Variants in SLC8B1 observed in about 807,000 individuals in gnomAD.
The protein encoded by SLC8B1 is solute carrier family 8 member B1.
A neutral mutation model predicts 63.4 loss-of-function variants in SLC8B1; 52 were observed. The ratio of observed to expected loss-of-function variants is 0.82; its 90% CI spans 0.66 to 1.03. The LOEUF is 1.03. SLC8B1 is among the 50% of genes least tolerant of loss of function. SLC8B1 has a pLI of 0.00. For synonymous variants in SLC8B1, 336 were observed against 323.9 expected (o/e 1.04, Z -0.40); for missense variants, 657 against 741.7 (o/e 0.89, Z 1.33).
rs1334938121 is a variant in SLC8B1, at chr12:113,320,801, C to G, written c.420+49G>C. On this transcript the variant is annotated intron_variant, in intron 5 of 15. Transcript: ENST00000680972. The surrounding 1 kb of genome is among the most constrained non-coding windows in gnomAD (Gnocchi z 5.3). Reference sequence around the variant, plus strand: ...AGACATGACCCTATCTCCCAGCCTCCCCACAACTGCCCTCCCTCCAGGGTG... The same window carrying G: ...AGACATGACCCTATCTCCCAGCCTCGCCACAACTGCCCTCCCTCCAGGGTG... 1 of 1,582,834 alleles carries G rather than the reference C, an allele frequency of 6.3e-7. No homozygotes were observed. The highest frequency in any genetic ancestry group is 8.6e-7 in the Non-Finnish European group (1 of 1,165,336).
Position 113,320,337 on chromosome 12 carries a change from C to A in SLC8B1, c.688G>T (p.Ala230Ser), listed in dbSNP as rs1956903640. Reference protein sequence around the residue: ...LFRGRVTLAWALGYLGLYVFY... With the variant: ...LFRGRVTLAWSLGYLGLYVFY... Reference sequence around the variant, plus strand: ...GAGCCCCAGAGCTGCTCACCCAGAGCCCATGCCAGGGTGACCCTGCCACGG... The same window carrying A: ...GAGCCCCAGAGCTGCTCACCCAGAGACCATGCCAGGGTGACCCTGCCACGG... Residue 230 changes from alanine (A) to serine (S), a missense_variant, in exon 7 of 16, where the codon GCT (alanine) becomes TCT (serine). Physicochemically the swap from Ala to Ser is moderately conservative, Grantham distance 99. Transcript: ENST00000680972. The surrounding 1 kb of genome is among the most constrained non-coding windows in gnomAD (Gnocchi z 5.3). The A allele has an allele frequency of 1.2e-6, 2 of 1,613,970 alleles. No homozygotes were observed. The highest frequency in any genetic ancestry group is 1.7e-6 in the Non-Finnish European group (2 of 1,179,932).
At position 113,305,897 on chromosome 12, in the gene SLC8B1, A is replaced by G. The variant is rs1209656665; in HGVS notation, c.1492+598T>C. On this transcript the variant is annotated intron_variant, in intron 14 of 15. Transcript: ENST00000680972. The surrounding 1 kb of genome is among the most constrained non-coding windows in gnomAD (Gnocchi z 4.3). ...AACATAGTGAAACCCTGTCTCTACT[A>G]AAAATACAAAAATTAGCTGGGCGTG... Among the ~76,000 whole-genome samples the G allele has an allele frequency of 6.6e-6, 1 of 151,920 alleles. No individual in the cohort carries two copies. The highest frequency in any genetic ancestry group is 1.9e-4 in the East Asian group (1 of 5,180).
At chr12:113,330,388 G>A (rs1383651357) in intron 2 of SLC8B1, among the ~76,000 whole-genome samples, 2 of 152,208 alleles carry the variant, frequency 1.3e-5, no homozygotes, top group African/African-American at 4.8e-5. Context: ...TGGACTAGAG[G>A]GGAAGGGGAT....
intron 14 of SLC8B1, among the ~76,000 whole-genome samples, 153 bp from the exon 15 acceptor site, chr12:113,304,538 C>A (rs1020084613): frequency 6.6e-6 from 1 of 152,124 alleles, no homozygotes; most frequent in South Asian, 2.1e-4. Flanking sequence ...GTAATCCCAG[C>A]ACTTTGGGAG....
rs115680638 is a variant in SLC8B1 at position 113,321,176 on chromosome 12, C to T, written c.309+20G>A. The T allele has an allele frequency of 2.1e-4, 337 of 1,613,978 alleles. No homozygotes were observed. In the Middle Eastern group the frequency reaches 5.1e-3, roughly 24 times the overall value. On this transcript the variant is annotated intron_variant, in intron 3 of 15. Coordinates refer to ENST00000680972, the MANE Select transcript of SLC8B1 (RefSeq NM_001358345.2). ...GGAGACACCAGCCCCTCTCACCAGC[C>T]CCCCAGGGCAGGGCCTCACGTAGAG... is the stretch of plus-strand genomic sequence containing the variant.
Position 113,304,168 on chromosome 12 carries a change from C to T in SLC8B1, c.1557+153G>A, listed in dbSNP as rs149965832. Among the ~76,000 whole-genome samples the T allele has an allele frequency of 5.6e-3, 850 of 152,290 alleles. 8 individuals carry two copies. The highest frequency in any genetic ancestry group is 0.019 in the African/African-American group (788 of 41,570). On this transcript the variant is annotated intron_variant, in intron 15 of 15. Transcript: ENST00000680972. ...GTGCTGGGATTACAGGCATGAGCTA[C>T]CACACCCGGCCAAGATGTCCTAGCT...
intron 11 of SLC8B1, among the ~76,000 whole-genome samples, chr12:113,311,515 G>A (rs1045930882): frequency 6.6e-6 from 1 of 151,948 alleles, no homozygotes; most frequent in Non-Finnish European, 1.5e-5. Context: ...AGCTACTTGG[G>A]AGGCTGAAGT....
chr12:113,321,355 G>GAA lies in SLC8B1; in HGVS notation c.157-9_157-8dup. On this transcript the variant is annotated splice_region_variant and splice_polypyrimidine_tract_variant and intron_variant, in intron 2 of 15. Transcript: ENST00000680972. The stretch of plus-strand genomic sequence containing the variant: ...GGCCACACACCTTGCGGCACTGCAG[G>GAA]AAGACAGGGAGGGGGACATCAGCGG... 1 of 1,614,168 alleles carries GAA rather than the reference G, an allele frequency of 6.2e-7. No homozygotes were observed. The highest frequency in any genetic ancestry group is 8.5e-7 in the Non-Finnish European group (1 of 1,180,032).
intron 12 of SLC8B1, among the ~76,000 whole-genome samples, chr12:113,309,982 G>A (rs1014069263): frequency 2.6e-5 from 4 of 151,088 alleles, no homozygotes; most frequent in African/African-American, 9.7e-5. Flanking sequence ...ACATTAAATT[G>A]TATACTTTAA....
At chr12:113,321,382 A>T (rs754763467) in intron 2 of SLC8B1, 34 bp from the exon 3 acceptor site, 24 of 1,613,832 alleles carry the variant, frequency 1.5e-5, no homozygotes, top group Non-Finnish European at 1.7e-6. Flanking sequence ...CATCAGCGGC[A>T]GAGACTTCCC....
intron 11 of SLC8B1, among the ~76,000 whole-genome samples, chr12:113,312,970 A>G (rs572291846): frequency 2.8e-4 from 42 of 151,894 alleles, no homozygotes; most frequent in African/African-American, 1.0e-3. Flanking sequence ...CAGGGGTGCA[A>G]TCTCGGCTCA....
intron 11 of SLC8B1, among the ~76,000 whole-genome samples, chr12:113,313,904 G>A (rs1384584103): frequency 6.6e-6 from 1 of 152,126 alleles, no homozygotes; most frequent in East Asian, 1.9e-4. Flanking sequence ...CAGCTACTCG[G>A]GAGGCTGAGG....
At chr12:113,317,674 G>A (rs1007584682) in intron 8 of SLC8B1, among the ~76,000 whole-genome samples, 2 of 152,216 alleles carry the variant, frequency 1.3e-5, no homozygotes, top group African/African-American at 4.8e-5. Context: ...GGCCCTCCTC[G>A]AGTGAGGAGT....
At position 113,299,818 on chromosome 12, in the gene SLC8B1, G is replaced by A; in HGVS notation, c.1714C>T (p.Leu572Phe). 6.2e-7 allele frequency: 1 copy of A among 1,614,220 alleles called. No homozygotes were observed. Among genetic ancestry groups the A allele is most frequent in the South Asian group, 1.1e-5 (1 of 91,080 alleles). ...LFYLNFLVVA[L>F]LTEFGVIHLK... ...TGAATCACTCCAAATTCAGTGAGGA[G>A]GGCCACGACAAGGAAGTTCAGGTAG... Residue 572 changes from leucine to phenylalanine, a missense_variant, in exon 16 of 16, where the codon CTC becomes TTC. Physicochemically the swap from Leu to Phe is conservative, Grantham distance 22 (BLOSUM62 0). Coordinates refer to ENST00000680972, the MANE Select transcript of SLC8B1 (RefSeq NM_001358345.2).
intron 2 of SLC8B1, among the ~76,000 whole-genome samples, chr12:113,326,346 C>A (rs887209622): frequency 6.6e-6 from 1 of 152,062 alleles, no homozygotes; most frequent in Non-Finnish European, 1.5e-5. Flanking sequence ...TCTATTCTTT[C>A]TTTCTTTTCT....
chr12:113,301,843 C>G (rs1466926344), intron 15 of SLC8B1, among the ~76,000 whole-genome samples: 2 of 152,210 alleles, frequency 1.3e-5, no homozygotes, highest in Non-Finnish European at 2.9e-5. Context: ...CTCAGCAGCA[C>G]TGGGCCTGGC....
intron 11 of SLC8B1, among the ~76,000 whole-genome samples, chr12:113,311,034 G>A (rs1010424185): frequency 1.3e-5 from 2 of 152,224 alleles, no homozygotes; most frequent in Non-Finnish European, 2.9e-5. Flanking sequence ...ATGTGAGGAG[G>A]CCGGGTGTGG....
Position 113,320,529 on chromosome 12 carries a change from C to T in SLC8B1, c.527-31G>A, listed in dbSNP as rs900422869. 3.6e-5 allele frequency: 58 copies of T among 1,613,876 alleles called. No homozygotes were observed. Among genetic ancestry groups the T allele is most frequent in the Non-Finnish European group, 4.9e-5 (58 of 1,179,984 alleles). On this transcript the variant is annotated intron_variant, in intron 6 of 15. Transcript: ENST00000680972. This position sits in a 1 kb window ranked among gnomAD's most constrained non-coding sequence, Gnocchi z 5.3. ...GGGAGGAGGCCAGAGCTCAGCCACCCTGCACCCTCTCCTGCTGCTTTCCCC... is the reference window on the plus strand; with the variant it reads ...GGGAGGAGGCCAGAGCTCAGCCACCTTGCACCCTCTCCTGCTGCTTTCCCC...
At chr12:113,324,187 C>G (rs1433576816) in intron 2 of SLC8B1, among the ~76,000 whole-genome samples, 1 of 151,994 alleles carries the variant, frequency 6.6e-6, no homozygotes, top group Non-Finnish European at 1.5e-5. Flanking sequence ...GTGGCACACG[C>G]CTGTGGTTCC....
Sources: allele counts gnomAD v4.1 joint callset (sites outside exome capture counted in the v4.1 genomes callset), GRCh38; gene constraint gnomAD v4.1.1; non-coding constraint Gnocchi (gnomAD v3.1); transcripts MANE v1.5; gene names NCBI Gene and HGNC (gene_info 2026-07-23, HGNC 2026-07-21).